Variants in CACNB2 observed in about 807,000 individuals in gnomAD.
CACNB2 encodes the protein calcium voltage-gated channel auxiliary subunit beta 2.
Under a neutral mutation model 73.3 loss-of-function variants are expected in CACNB2, and 42 were observed. The ratio of observed to expected loss-of-function variants is 0.57; its 90% CI spans 0.45 to 0.74. CACNB2 has a LOEUF of 0.74. Ranked by LOEUF, CACNB2 falls within the 30% of genes least tolerant of loss-of-function variation. The pLI, the probability that CACNB2 is intolerant of heterozygous loss-of-function variation, is 0.00. For missense variants in CACNB2, 940 were observed against 853.0 expected (o/e 1.10, Z -1.27); for synonymous variants, 348 against 310.3 (o/e 1.12, Z -1.28).
At chr10:18,424,746 A>G (rs1184058956) in intron 3 of CACNB2, among the ~76,000 whole-genome samples, 1 of 152,106 alleles carries the variant, frequency 6.6e-6, no homozygotes, top group East Asian at 1.9e-4. Flanking sequence ...TTCTTTTGAG[A>G]CTGCTTTTTT....
intron 2 of CACNB2, among the ~76,000 whole-genome samples, chr10:18,376,037 G>T (rs1034190994): frequency 1.1e-4 from 16 of 152,164 alleles, no homozygotes; most frequent in Admixed American, 7.2e-4. Context: ...AGAGATATTT[G>T]CACTCCCATG....
chr10:18,429,921 A>ATGAGCTG (rs1157457457), intron 3 of CACNB2, among the ~76,000 whole-genome samples: 2 of 151,876 alleles, frequency 1.3e-5, no homozygotes, highest in African/African-American at 4.8e-5. Flanking sequence ...CAAGGCTGCA[A>ATGAGCTG]TGAGCTGTGA....
At chr10:18,433,699 T>C (rs541080628) in intron 3 of CACNB2, among the ~76,000 whole-genome samples, 1 of 152,212 alleles carries the variant, frequency 6.6e-6, no homozygotes, top group East Asian at 1.9e-4. Flanking sequence ...AAGTACAGTG[T>C]TGAGAAGGAG....
intron 3 of CACNB2, among the ~76,000 whole-genome samples, chr10:18,462,965 G>T (rs2047663386): frequency 6.6e-6 from 1 of 151,974 alleles, no homozygotes; most frequent in South Asian, 2.1e-4. Context: ...CACCATGTTG[G>T]CCAGGCTGGT....
At chr10:18,440,524 T>G (rs2046362311) in intron 3 of CACNB2, among the ~76,000 whole-genome samples, 1 of 152,042 alleles carries the variant, frequency 6.6e-6, no homozygotes, top group Admixed American at 6.6e-5. Context: ...AAAAATTAAC[T>G]GGCATGGTGG....
intron 10 of CACNB2, among the ~76,000 whole-genome samples, chr10:18,532,793 T>C (rs1189451566): frequency 2.0e-5 from 3 of 151,908 alleles, no homozygotes; most frequent in Non-Finnish European, 4.4e-5. Flanking sequence ...CACGGGATGC[T>C]GTGACTGTCT....
intron 2 of CACNB2, among the ~76,000 whole-genome samples, chr10:18,379,472 C>T (rs1276060786): frequency 1.3e-5 from 2 of 152,192 alleles, no homozygotes; most frequent in Non-Finnish European, 2.9e-5. Context: ...CCTCAGTCTC[C>T]CAAAGTGCTG....
At chr10:18,470,984 C>T (rs1423469835) in intron 3 of CACNB2, among the ~76,000 whole-genome samples, 1 of 152,072 alleles carries the variant, frequency 6.6e-6, no homozygotes, top group Non-Finnish European at 1.5e-5. Context: ...TTTCAAGTCC[C>T]ACAGCCATCG....
At chr10:18,201,975 T>G (rs1425534143) in intron 2 of CACNB2, among the ~76,000 whole-genome samples, 2 of 152,184 alleles carry the variant, frequency 1.3e-5, no homozygotes, top group African/African-American at 4.8e-5. Context: ...CTTCAACAAG[T>G]GACAAAATCT....
At chr10:18,311,080 C>G (rs991784177) in intron 2 of CACNB2, among the ~76,000 whole-genome samples, 5 of 152,066 alleles carry the variant, frequency 3.3e-5, no homozygotes, top group African/African-American at 1.2e-4. Context: ...TCTCTTGACT[C>G]TCTCTGAAGA....
At chr10:18,150,783 T>C in intron 1 of CACNB2, 100 bp from the exon 2 acceptor site, 1 of 709,824 alleles carries the variant, frequency 1.4e-6, no homozygotes, top group Non-Finnish European at 2.3e-6. Context: ...GTATTACTTG[T>C]TTTTGGTCTT....
intron 2 of CACNB2, among the ~76,000 whole-genome samples, chr10:18,326,919 T>C (rs1400213593): frequency 1.3e-5 from 2 of 151,884 alleles, no homozygotes; most frequent in Admixed American, 6.6e-5. Flanking sequence ...TAGAGACGGG[T>C]TTTTTTGCCA....
At chr10:18,352,656 C>G (rs936343397) in intron 2 of CACNB2, among the ~76,000 whole-genome samples, 1 of 152,148 alleles carries the variant, frequency 6.6e-6, no homozygotes, top group Non-Finnish European at 1.5e-5. Context: ...ATATGAATTA[C>G]AAGGGACTGC....
At chr10:18,484,615 A>G (rs1042346434) in intron 3 of CACNB2, among the ~76,000 whole-genome samples, 1 of 152,274 alleles carries the variant, frequency 6.6e-6, no homozygotes, top group Non-Finnish European at 1.5e-5. Context: ...CAAACTTTTC[A>G]ATCGCTGTAG....
chr10:18,177,502 G>C (rs968589908), intron 2 of CACNB2, among the ~76,000 whole-genome samples: 1 of 150,032 alleles, frequency 6.7e-6, no homozygotes, highest in South Asian at 2.1e-4. Context: ...GTGGTGGCAG[G>C]CACCTGTAAT....
At chr10:18,458,121 C>T (rs1439841119) in intron 3 of CACNB2, among the ~76,000 whole-genome samples, 2 of 152,110 alleles carry the variant, frequency 1.3e-5, no homozygotes, top group Non-Finnish European at 2.9e-5. Flanking sequence ...ATGAAACACT[C>T]CCTTTAAAAA....
intron 2 of CACNB2, chr10:18,400,463 C>A: frequency 2.1e-6 from 1 of 471,412 alleles, no homozygotes; most frequent in Non-Finnish European, 2.8e-6. Context: ...TGTAAAATGG[C>A]AATTTGACAT....
chr10:18,241,016 T>C (rs2036628990), intron 2 of CACNB2, among the ~76,000 whole-genome samples: 1 of 152,204 alleles, frequency 6.6e-6, no homozygotes, highest in African/African-American at 2.4e-5. Flanking sequence ...CGGTTATCCC[T>C]CTGCTCAGCG....
At chr10:18,465,096 G>A (rs909217003) in intron 3 of CACNB2, among the ~76,000 whole-genome samples, 7 of 152,190 alleles carry the variant, frequency 4.6e-5, no homozygotes, top group East Asian at 1.9e-4. Context: ...TTGGGAGGCC[G>A]AGGCAGGCAG....
Sources: allele counts gnomAD v4.1 joint callset (sites outside exome capture counted in the v4.1 genomes callset), GRCh38; gene constraint gnomAD v4.1.1; transcripts MANE v1.5; gene names NCBI Gene and HGNC (gene_info 2026-07-23, HGNC 2026-07-21).